The following RYR2 variants were observed in gnomAD, a reference collection of about 807,000 sequenced individuals.
RYR2 encodes the protein ryanodine receptor 2, also known as cardiac muscle ryanodine receptor-calcium release channel.
RYR2 carries 227 observed loss-of-function variants against 601.1 expected under a neutral mutation model. That is an observed-to-expected ratio of 0.38 (90% confidence interval 0.34 to 0.42). The LOEUF is 0.42. Among genes scored for constraint, RYR2 ranks in the 10% least tolerant of loss-of-function variants. The pLI is 1.00. For synonymous variants in RYR2, 2,223 were observed against 2,175.1 expected (o/e 1.02, Z -0.61); for missense variants, 4,646 against 6,156.5 (o/e 0.75, Z 8.21).
At chr1:237,772,440 G>T (rs1364752468) in intron 86 of RYR2, among the ~76,000 whole-genome samples, 5 of 152,060 alleles carry the variant, frequency 3.3e-5, no homozygotes, top group Non-Finnish European at 5.9e-5. Flanking sequence ...AGAATATTTG[G>T]AACATTTGTA....
In RYR2 at chr1:237,168,982, A is replaced by T. The variant is rs182553745; in HGVS notation, c.49-101515A>T. ...AACCAAAAAGAACAGAGTTGATTAC[A>T]TGTTTCATTTGGGATATTTATTAAT... On this transcript the variant is annotated intron_variant, in intron 1 of 104. Coordinates refer to ENST00000366574, the MANE Select transcript of RYR2 (RefSeq NM_001035.3). Among the ~76,000 whole-genome samples the T allele has an allele frequency of 1.3e-4, 20 of 152,262 alleles. 1 individual carries two copies. Among genetic ancestry groups the T allele is most frequent in the Admixed American group, 7.2e-4 (11 of 15,296 alleles).
At chr1:237,084,269 C>T (rs568383597) in intron 1 of RYR2, among the ~76,000 whole-genome samples, 1 of 152,312 alleles carries the variant, frequency 6.6e-6, no homozygotes, top group East Asian at 1.9e-4. Flanking sequence ...GTCAAGCTGG[C>T]TTCTCCACTT....
chr1:237,823,378 C>T (rs924080644), intron 101 of RYR2, among the ~76,000 whole-genome samples: 1 of 152,172 alleles, frequency 6.6e-6, no homozygotes, highest in Admixed American at 6.5e-5. Context: ...AAGAACCTCA[C>T]TTAAAACTGC....
chr1:237,229,501 A>C (rs1684740862), intron 1 of RYR2, among the ~76,000 whole-genome samples: 1 of 152,130 alleles, frequency 6.6e-6, no homozygotes, highest in African/African-American at 2.4e-5. Flanking sequence ...GAAGGCTGTA[A>C]ACATCCCAGA....
rs1253277539 is a variant in RYR2, at chr1:237,306,470, A to G, written c.169-24408A>G. On this transcript the variant is annotated intron_variant, in intron 2 of 104. Transcript: ENST00000366574. ...TTATGATAGCAAGTTTCACTTATGC[A>G]CATCCAAAAATTTTGAGGACATTTA... Among the ~76,000 whole-genome samples the G allele has an allele frequency of 2.6e-5, 4 of 152,370 alleles. No individual in the cohort carries two copies. The East Asian group carries it at 7.7e-4, about 29-fold the overall frequency.
intron 1 of RYR2, among the ~76,000 whole-genome samples, chr1:237,074,660 A>G (rs1664783719): frequency 6.6e-6 from 1 of 152,230 alleles, no homozygotes; most frequent in Non-Finnish European, 1.5e-5. Flanking sequence ...TTCCAGTGCC[A>G]CATCAGGGAT....
rs886046261 is a variant in RYR2, at chr1:237,387,299, G to A, written c.595G>A (p.Gly199Ser). ...ERYLHLSYGNGSLHVDAAFQQ... is the reference protein window; with the variant it reads ...ERYLHLSYGNSSLHVDAAFQQ... ...GATACAGCACTTGTCTTATGGCAAC[G>A]GCAGCTTACACGTGGATGCCGCTTT... Residue 199 changes from glycine (G) to serine (S), a missense_variant, in exon 9 of 105, where the codon GGC (glycine) becomes AGC (serine). By Grantham distance (56) the Gly-to-Ser change is moderately conservative. This residue lies in a region of RYR2 where 87 missense variants were observed against 144.7 expected (regional missense o/e 0.60). Coordinates refer to ENST00000366574, the MANE Select transcript of RYR2 (RefSeq NM_001035.3). The A allele has an allele frequency of 1.9e-6, 3 of 1,613,796 alleles. No individual in the cohort carries two copies. The highest frequency in any genetic ancestry group is 1.3e-5 in the African/African-American group (1 of 74,888).
At chr1:237,419,656 G>A (rs1169292802) in intron 11 of RYR2, among the ~76,000 whole-genome samples, 4 of 152,072 alleles carry the variant, frequency 2.6e-5, no homozygotes, top group Admixed American at 6.6e-5. Flanking sequence ...AAAGAGAGAT[G>A]TTTTGTTCTT....
At chr1:237,738,516 T>C (rs115823518) in intron 79 of RYR2, among the ~76,000 whole-genome samples, 2,636 of 152,162 alleles carry the variant, frequency 0.017, 43 homozygotes, top group Non-Finnish European at 0.028. Context: ...TCTTTTCATG[T>C]AGTTTTCATT....
chr1:237,780,073 T>G (rs1315645482), intron 88 of RYR2, among the ~76,000 whole-genome samples: 1 of 152,170 alleles, frequency 6.6e-6, no homozygotes, highest in African/African-American at 2.4e-5. Context: ...AGGCAGGTAC[T>G]TTAGTGGAGG....
chr1:237,384,432 A>T (rs1701808854), intron 8 of RYR2, among the ~76,000 whole-genome samples: 1 of 152,192 alleles, frequency 6.6e-6, no homozygotes, highest in Non-Finnish European at 1.5e-5. Flanking sequence ...CTCGGCTGTA[A>T]TGTATGTCCC....
chr1:237,412,868 A>C (rs1046231070), intron 10 of RYR2, among the ~76,000 whole-genome samples: 1 of 152,164 alleles, frequency 6.6e-6, no homozygotes, highest in Non-Finnish European at 1.5e-5. Flanking sequence ...GTATGAGTTC[A>C]AAGTTGGTAA....
intron 32 of RYR2, among the ~76,000 whole-genome samples, chr1:237,592,840 G>T (rs547072559): frequency 6.6e-6 from 1 of 151,796 alleles, no homozygotes; most frequent in Admixed American, 6.6e-5. Context: ...GGCTAACATG[G>T]TGAAACCCCG....
rs75555043 is a variant in RYR2, at chr1:237,671,708, C to T, written c.8591-2388C>T. On this transcript the variant is annotated intron_variant, in intron 58 of 104. Coordinates refer to ENST00000366574, the MANE Select transcript of RYR2 (RefSeq NM_001035.3). ...AATCAGGAGAAAAATGCCTCCTTTG[C>T]TTGCCTTAGTCATCTGATCCTCAGT... 2.4e-3 allele frequency among the ~76,000 whole-genome samples: 364 copies of T among 152,122 alleles called. 17 individuals carry two copies. In the East Asian group the frequency reaches 0.062, roughly 26 times the overall value.
chr1:237,444,814 A>G (rs753783854), intron 13 of RYR2, among the ~76,000 whole-genome samples: 16 of 152,208 alleles, frequency 1.1e-4, no homozygotes, highest in Non-Finnish European at 2.4e-4. Flanking sequence ...AAACTATCAA[A>G]AGAAAAGAAA....
intron 24 of RYR2, among the ~76,000 whole-genome samples, chr1:237,517,888 G>A (rs189502929): frequency 1.3e-5 from 2 of 152,060 alleles, no homozygotes; most frequent in East Asian, 3.9e-4. Context: ...ATTCTCAGAT[G>A]CCAACTTGCT....
intron 1 of RYR2, among the ~76,000 whole-genome samples, chr1:237,083,846 C>T (rs568244995): frequency 6.6e-6 from 1 of 152,222 alleles, no homozygotes; most frequent in South Asian, 2.1e-4. Context: ...CTTAAACTTC[C>T]CTGGAGGATG....
At position 237,778,655 on chromosome 1, in the gene RYR2, T is replaced by G; in HGVS notation, c.11776-11T>G. ...TGAGGAATAATTGCCGTTTGTCTGT[T>G]TATGCTCCAGGGTCCTTGCACTGGG... On this transcript the variant is annotated splice_polypyrimidine_tract_variant and intron_variant, in intron 87 of 104. Coordinates refer to ENST00000366574, the MANE Select transcript of RYR2 (RefSeq NM_001035.3). 6.7e-7 allele frequency: 1 copy of G among 1,483,748 alleles called. No individual in the cohort carries two copies. Among genetic ancestry groups the G allele is most frequent in the Non-Finnish European group, 9.3e-7 (1 of 1,070,574 alleles). The allele number at this position is 1,483,748 out of a possible 1,614,324, so 91.9% of individuals were successfully genotyped here.
intron 1 of RYR2, among the ~76,000 whole-genome samples, chr1:237,247,601 T>A (rs1019641446): frequency 6.6e-6 from 1 of 152,124 alleles, no homozygotes; most frequent in Non-Finnish European, 1.5e-5. Context: ...GATGACAGGT[T>A]AATAGGCTGC....
Sources: allele counts gnomAD v4.1 joint callset (sites outside exome capture counted in the v4.1 genomes callset), GRCh38; gene constraint gnomAD v4.1.1; regional missense constraint gnomAD v4.1.1; transcripts MANE v1.5; gene names NCBI Gene and HGNC (gene_info 2026-07-23, HGNC 2026-07-21).